The following INPP4A variants were observed in gnomAD, a reference collection of about 807,000 sequenced individuals.
INPP4A encodes the protein inositol polyphosphate-4-phosphatase, type I, 107kD.
A neutral mutation model predicts 119.8 loss-of-function variants in INPP4A; 33 were observed. The observed-to-expected ratio is 0.28, with a 90% CI of 0.21 to 0.37. The LOEUF (loss-of-function observed/expected upper bound fraction) is 0.37, where lower values mean the gene tolerates loss of function less well. Ranked by LOEUF, INPP4A falls within the 10% of genes least tolerant of loss-of-function variation. INPP4A has a pLI of 1.00. For missense variants in INPP4A, 956 were observed against 1,289.9 expected (o/e 0.74, Z 3.97); for synonymous variants, 496 against 500.7 (o/e 0.99, Z 0.12).
At chr2:98,490,990 G>GA (rs11396111) in intron 1 of INPP4A, among the ~76,000 whole-genome samples, 4,724 of 152,018 alleles carry the variant, frequency 0.031, 267 homozygotes, top group African/African-American at 0.11. Flanking sequence ...AATTACAGTA[G>GA]AAAAAAATAA....
chr2:98,569,720 T>C lies in INPP4A; in HGVS notation c.2518+1052T>C, dbSNP rs55676747. On this transcript the variant is annotated intron_variant, in intron 22 of 24. Coordinates refer to ENST00000409851, the MANE Select transcript of INPP4A (RefSeq NM_001134225.2). The surrounding 1 kb of genome is among the most constrained non-coding windows in gnomAD (Gnocchi z 5.1). Reference sequence around the variant, plus strand: ...TGGCTCTGAAGCCCATGTGCTTGGATTGTGGCTGAAGCCGTCCTGCTAGGA... The same window carrying C: ...TGGCTCTGAAGCCCATGTGCTTGGACTGTGGCTGAAGCCGTCCTGCTAGGA... The C allele has an allele frequency of 0.06, 9,154 of 152,216 alleles. 375 individuals are homozygous for C. Among genetic ancestry groups the C allele is most frequent in the Middle Eastern group, 0.1 (31 of 296 alleles). The allele number at this position is 152,216 out of a possible 1,614,324, so 9.4% of individuals were successfully genotyped here.
chr2:98,574,176 A>T (rs1283187915), intron 23 of INPP4A, among the ~76,000 whole-genome samples: 1 of 152,112 alleles, frequency 6.6e-6, no homozygotes, highest in Non-Finnish European at 1.5e-5. Flanking sequence ...GGTGTAGGGC[A>T]GGGCACACAC....
intron 24 of INPP4A, among the ~76,000 whole-genome samples, chr2:98,577,771 C>G (rs1370659729): frequency 1.3e-5 from 2 of 152,190 alleles, no homozygotes; most frequent in Admixed American, 1.3e-4. Flanking sequence ...CTAAAAGTGT[C>G]TACTGTTGAT....
intron 1 of INPP4A, among the ~76,000 whole-genome samples, chr2:98,454,684 CA>C (rs1695798593): frequency 6.8e-6 from 1 of 146,312 alleles, no homozygotes; most frequent in Non-Finnish European, 1.5e-5. Context: ...GGGTACCTTC[CA>C]GGGGAAATAT....
At chr2:98,560,830 G>T (rs1028723468) in intron 17 of INPP4A, among the ~76,000 whole-genome samples, 2 of 152,194 alleles carry the variant, frequency 1.3e-5, no homozygotes, top group Non-Finnish European at 2.9e-5. Context: ...AAGCTCAGGG[G>T]GTCTTCTCAG....
chr2:98,502,767 A>ATTG (rs1458432781), intron 1 of INPP4A, among the ~76,000 whole-genome samples: 1 of 152,174 alleles, frequency 6.6e-6, no homozygotes, highest in Non-Finnish European at 1.5e-5. Flanking sequence ...TCACTACTGC[A>ATTG]TTGTTTATGG....
intron 1 of INPP4A, among the ~76,000 whole-genome samples, chr2:98,475,299 C>CTG (rs1349458357): frequency 6.6e-6 from 1 of 152,120 alleles, no homozygotes; most frequent in Non-Finnish European, 1.5e-5. Context: ...ATGCTGCATT[C>CTG]TGTGTGTGCC....
chr2:98,528,186 A>G (rs1688518408), intron 4 of INPP4A, among the ~76,000 whole-genome samples: 1 of 152,224 alleles, frequency 6.6e-6, no homozygotes, highest in African/African-American at 2.4e-5. Flanking sequence ...CCAAATAGAG[A>G]CTTGAAGAGA....
At chr2:98,468,885 A>G (rs991165478) in intron 1 of INPP4A, among the ~76,000 whole-genome samples, 1 of 151,540 alleles carries the variant, frequency 6.6e-6, no homozygotes, top group African/African-American at 2.4e-5. Context: ...GGCGTGGTGA[A>G]TGCCTCCCAC....
chr2:98,554,390 G>A lies in INPP4A; in HGVS notation c.1467G>A (p.Glu489=), dbSNP rs1280368662. 6.2e-7 allele frequency: 1 copy of A among 1,613,870 alleles called. No individual in the cohort carries two copies. The part of the protein sequence containing the change: ...SKASPTSTEE[E]QVMLRNDQDT... ...CCTCTCCCACTTCGACTGAGGAGGA[G>A]CAGGTGATGCTTAGAAATGACCAGG... Residue 489 remains glutamate (E), a synonymous_variant, in exon 15 of 25, where the codon GAG becomes GAA. Coordinates refer to ENST00000409851, the MANE Select transcript of INPP4A (RefSeq NM_001134225.2). The surrounding 1 kb of genome is among the most constrained non-coding windows in gnomAD (Gnocchi z 4.7).
At chr2:98,464,404 C>G (rs544454335) in intron 1 of INPP4A, among the ~76,000 whole-genome samples, 292 of 152,202 alleles carry the variant, frequency 1.9e-3, no homozygotes, top group Non-Finnish European at 3.4e-3. Context: ...AGAGGAAAAT[C>G]GAGAGTGGGG....
chr2:98,514,675 G>A (rs2105617208), intron 1 of INPP4A, among the ~76,000 whole-genome samples: 1 of 152,306 alleles, frequency 6.6e-6, no homozygotes, highest in South Asian at 2.1e-4. Context: ...CACCACTTTG[G>A]GAGGTCAAGG....
intron 1 of INPP4A, among the ~76,000 whole-genome samples, chr2:98,481,335 A>C (rs1204824312): frequency 6.6e-6 from 1 of 152,042 alleles, no homozygotes; most frequent in Non-Finnish European, 1.5e-5. Context: ...CCCTGGGGGG[A>C]AAGAAATGGC....
intron 1 of INPP4A, among the ~76,000 whole-genome samples, chr2:98,470,446 G>A (rs181301167): frequency 5.9e-5 from 9 of 152,302 alleles, no homozygotes; most frequent in Non-Finnish European, 8.8e-5. Context: ...CCTTCCCTCC[G>A]CAGGGAGGCA....
At chr2:98,496,788 G>A (rs1430393899) in intron 1 of INPP4A, among the ~76,000 whole-genome samples, 1 of 152,144 alleles carries the variant, frequency 6.6e-6, no homozygotes, top group Non-Finnish European at 1.5e-5. Context: ...TAATCATCAG[G>A]GAAATGCAAA....
intron 13 of INPP4A, among the ~76,000 whole-genome samples, chr2:98,548,492 G>A (rs1692888990): frequency 6.6e-6 from 1 of 152,184 alleles, no homozygotes; most frequent in Non-Finnish European, 1.5e-5. Context: ...CCCTGAAGGA[G>A]AACCCATAGT....
chr2:98,518,890 G>A (rs964778213), intron 1 of INPP4A, 74 bp from the exon 2 acceptor site: 3 of 152,180 alleles, frequency 2.0e-5, no homozygotes, highest in East Asian at 1.9e-4. Flanking sequence ...TGGCCTCCAC[G>A]TTTCTAGGCA....
In INPP4A at chr2:98,564,897, G is replaced by T. The variant is rs1413052678; in HGVS notation, c.2152+134G>T. On this transcript the variant is annotated intron_variant, in intron 19 of 24. Transcript: ENST00000409851. ...ATCCAAAATATATAACAGCAGACCA[G>T]ATGGCAGACCTGGCAGTTACACACG... 3 of 1,125,244 alleles carry T rather than the reference G, an allele frequency of 2.7e-6. No homozygotes were observed. The East Asian group carries it at 7.8e-5, about 29-fold the overall frequency. The allele number at this position is 1,125,244 out of a possible 1,614,324, so 69.7% of individuals were successfully genotyped here.
intron 1 of INPP4A, among the ~76,000 whole-genome samples, chr2:98,491,620 C>G (rs571796344): frequency 2.2e-4 from 33 of 152,282 alleles, no homozygotes; most frequent in African/African-American, 7.0e-4. Flanking sequence ...CTGTGCATCC[C>G]AAGAGAAGGC....
Sources: allele counts gnomAD v4.1 joint callset (sites outside exome capture counted in the v4.1 genomes callset), GRCh38; gene constraint gnomAD v4.1.1; non-coding constraint Gnocchi (gnomAD v3.1); transcripts MANE v1.5; gene names NCBI Gene and HGNC (gene_info 2026-07-23, HGNC 2026-07-21).